The following EDC3 variants were observed in gnomAD, a reference collection of about 807,000 sequenced individuals.
EDC3 encodes the protein enhancer of mRNA-decapping protein 3.
A neutral mutation model predicts 41.8 loss-of-function variants in EDC3; 20 were observed. The observed-to-expected ratio is 0.48, with a 90% confidence interval of 0.34 to 0.70. The LOEUF is 0.70. EDC3 is among the 30% of genes least tolerant of loss of function. EDC3 has a pLI of 0.01. For missense variants in EDC3, 444 were observed against 636.8 expected (o/e 0.70, Z 3.26); for synonymous variants, 206 against 243.2 (o/e 0.85, Z 1.42).
chr15:74,673,093 G>A (rs1402094557), intron 2 of EDC3, among the ~76,000 whole-genome samples: 1 of 152,082 alleles, frequency 6.6e-6, no homozygotes, highest in East Asian at 1.9e-4. Flanking sequence ...CGGATGTTGT[G>A]GAAGGCCATC....
At chr15:74,640,295 G>T in intron 5 of EDC3, 171 bp downstream of exon 5, 1 of 703,308 alleles carries the variant, frequency 1.4e-6, no homozygotes, top group Non-Finnish European at 2.3e-6. Context: ...GGTCTGAGGA[G>T]GGGCAAAGAA....
At position 74,632,204 on chromosome 15, in the gene EDC3, GAC is replaced by G; in HGVS notation, c.*406_*407del. On this transcript the variant is annotated 3_prime_UTR_variant, in exon 7 of 7. Coordinates refer to ENST00000315127, the MANE Select transcript of EDC3 (RefSeq NM_025083.5). The surrounding 1 kb of genome is among the most constrained non-coding windows in gnomAD (Gnocchi z 4.0). The stretch of plus-strand genomic sequence containing the variant: ...CTGTCTGCGTGGGGAAAGCAGGGGA[GAC>G]ACAAAGCCACAAGCTCTGAAATAGA... 4.6e-6 allele frequency: 1 copy of G among 218,682 alleles called. No homozygotes were observed. The highest frequency in any genetic ancestry group is 9.3e-6 in the Non-Finnish European group (1 of 107,528). The allele number at this position is 218,682 out of a possible 1,614,324, so 13.5% of individuals were successfully genotyped here.
chr15:74,658,184 A>C (rs1271994828), intron 3 of EDC3, among the ~76,000 whole-genome samples: 1 of 152,230 alleles, frequency 6.6e-6, no homozygotes, highest in Non-Finnish European at 1.5e-5. Context: ...CAGTCTAAAT[A>C]AATGGAATGT....
At chr15:74,649,311 T>C (rs2062453988) in intron 4 of EDC3, among the ~76,000 whole-genome samples, 1 of 152,070 alleles carries the variant, frequency 6.6e-6, no homozygotes. Flanking sequence ...TATTTTTTTG[T>C]AGAGATGGGG....
rs202013828 is a variant in EDC3 at position 74,671,783 on chromosome 15, C to T, written c.165-9G>A. 1.9e-6 allele frequency: 3 copies of T among 1,607,928 alleles called. No homozygotes were observed. ...CCGTAATGTCACCTGCCCTGAAATA[C>T]ACAAAAAAGCCAAGTCTCAAAATTA... On this transcript the variant is annotated splice_polypyrimidine_tract_variant and intron_variant, in intron 2 of 6. Transcript: ENST00000315127. The surrounding 1 kb of genome is among the most constrained non-coding windows in gnomAD (Gnocchi z 4.6).
chr15:74,673,993 C>G (rs192139521), intron 2 of EDC3, among the ~76,000 whole-genome samples: 1 of 151,382 alleles, frequency 6.6e-6, no homozygotes, highest in East Asian at 1.9e-4. Flanking sequence ...TAAAAAACAA[C>G]AAAAAAAGTA....
intron 4 of EDC3, among the ~76,000 whole-genome samples, chr15:74,648,454 G>C (rs1214757584): frequency 6.6e-6 from 1 of 152,156 alleles, no homozygotes; most frequent in Non-Finnish European, 1.5e-5. Context: ...CCCCACCAAG[G>C]CTCAAAGACT....
chr15:74,640,388 T>C, intron 5 of EDC3, 78 bp downstream of exon 5: 1 of 1,500,724 alleles, frequency 6.7e-7, no homozygotes, highest in Non-Finnish European at 9.1e-7. Flanking sequence ...CGTATGTGTG[T>C]ATGGGAGGCA....
chr15:74,666,369 G>C (rs958958300), intron 3 of EDC3, among the ~76,000 whole-genome samples: 3 of 152,026 alleles, frequency 2.0e-5, no homozygotes, highest in Non-Finnish European at 4.4e-5. Flanking sequence ...CCTCATTTAT[G>C]TACAGTTAAC....
At chr15:74,666,799 C>T (rs77416559) in intron 3 of EDC3, among the ~76,000 whole-genome samples, 5,132 of 152,114 alleles carry the variant, frequency 0.034, 300 homozygotes, top group African/African-American at 0.12. Flanking sequence ...TGTCAAAACC[C>T]ACAGAATTTT....
chr15:74,694,153 T>C (rs1160171382), intron 1 of EDC3, among the ~76,000 whole-genome samples: 5 of 152,144 alleles, frequency 3.3e-5, no homozygotes, highest in African/African-American at 1.2e-4. Context: ...AGAAAAATGA[T>C]ACATCTTCCA....
chr15:74,674,664 A>G (rs987115676), intron 2 of EDC3, among the ~76,000 whole-genome samples: 5 of 152,280 alleles, frequency 3.3e-5, no homozygotes, highest in Admixed American at 2.0e-4. Flanking sequence ...TCTAAGGGAG[A>G]GGGTTGTTTT....
chr15:74,678,660 C>G (rs1186026915), intron 1 of EDC3, among the ~76,000 whole-genome samples: 1 of 151,574 alleles, frequency 6.6e-6, no homozygotes, highest in Non-Finnish European at 1.5e-5. Flanking sequence ...GAGACTGAGG[C>G]AGGTGGATCA....
chr15:74,675,185 C>T (rs2062788691), intron 1 of EDC3, 43 bp from the exon 2 acceptor site: 1 of 1,577,588 alleles, frequency 6.3e-7, no homozygotes, highest in African/African-American at 1.3e-5. Context: ...GGTGAAAAGA[C>T]AAACTTTTAA....
intron 3 of EDC3, among the ~76,000 whole-genome samples, chr15:74,670,152 C>T (rs953034854): frequency 1.3e-5 from 2 of 151,694 alleles, no homozygotes; most frequent in Non-Finnish European, 2.9e-5. Flanking sequence ...GCCACTTGCA[C>T]CCAGCCTCTC....
chr15:74,684,475 T>G (rs2062912979), intron 1 of EDC3, among the ~76,000 whole-genome samples: 1 of 117,132 alleles, frequency 8.5e-6, no homozygotes, highest in Non-Finnish European at 1.7e-5. Flanking sequence ...TGAGACTTTG[T>G]CTCAAAAAAA....
intron 4 of EDC3, among the ~76,000 whole-genome samples, chr15:74,655,278 A>G (rs2062531682): frequency 6.6e-6 from 1 of 152,256 alleles, no homozygotes; most frequent in South Asian, 2.1e-4. Context: ...TAGTAAAGAA[A>G]TGTAATTTAT....
rs905655993 is a variant in EDC3, at chr15:74,630,927, T to C, written c.*1685A>G. 1 of 152,194 alleles carries C rather than the reference T, an allele frequency of 6.6e-6. No individual in the cohort carries two copies. The highest frequency in any genetic ancestry group is 2.4e-5 in the African/African-American group (1 of 41,440). The allele number at this position is 152,194 out of a possible 1,614,324, so 9.4% of individuals were successfully genotyped here. On this transcript the variant is annotated 3_prime_UTR_variant, in exon 7 of 7. Coordinates refer to ENST00000315127, the MANE Select transcript of EDC3 (RefSeq NM_025083.5). Reference sequence around the variant, plus strand: ...ACCTAATCAGGGGGCCTAACTGCATTAACAGGCAGCCAGAACCTACCTACC... The same window carrying C: ...ACCTAATCAGGGGGCCTAACTGCATCAACAGGCAGCCAGAACCTACCTACC...
At chr15:74,677,853 C>T (rs2062823995) in intron 1 of EDC3, among the ~76,000 whole-genome samples, 1 of 152,054 alleles carries the variant, frequency 6.6e-6, no homozygotes, top group African/African-American at 2.4e-5. Flanking sequence ...AGACATCCTT[C>T]AGTAGGTGAA....
Sources: gnomAD v4.1 joint callset for allele counts (sites outside exome capture counted in the v4.1 genomes callset) on GRCh38, gnomAD v4.1.1 for gene constraint, Gnocchi (gnomAD v3.1) non-coding constraint, MANE v1.5 for transcripts, NCBI Gene and HGNC (gene_info 2026-07-23, HGNC 2026-07-21) for gene names.